The following PRR33 variants were observed in gnomAD, a reference collection of about 807,000 sequenced individuals.
PRR33 encodes the protein proline-rich protein 33.
A neutral mutation model predicts 0.5 loss-of-function variants in PRR33; 1 was observed. The observed-to-expected ratio is 2.18, with a 90% CI of 0.77 to 10.34. PRR33 has a LOEUF of 10.34. PRR33 is among the 30% of genes most tolerant of loss of function. The pLI, the probability that PRR33 is intolerant of heterozygous loss-of-function variation, is 0.13. For synonymous variants in PRR33, 226 were observed against 110.0 expected, an observed-to-expected ratio of 2.06 and a Z score of -6.60; for missense variants, 552 against 251.8, an observed-to-expected ratio of 2.19 and a Z score of -8.07.
chr11:1,890,321 G>A (rs778066099), exon 1 of PRR33: 1 of 712,390 alleles, frequency 1.4e-6, no homozygotes, highest in South Asian at 1.5e-5. Context: ...CTTCGGCGGG[G>A]TGCGGGCCCT....
chr11:1,902,374 G>A, the PRR33 span, among the ~76,000 whole-genome samples: 32 of 152,090 alleles, frequency 2.1e-4, no homozygotes, highest in Non-Finnish European at 4.1e-4. Context: ...GGCTTCCCTC[G>A]GCCTGGGCTC....
At chr11:1,889,106 A>G in exon 1 of PRR33, 1 of 598,620 alleles carries the variant, frequency 1.7e-6, no homozygotes, top group African/African-American at 1.9e-5. Context: ...TCTTCTGTCC[A>G]TCCCATGGTC....
chr11:1,902,879 C>A, the PRR33 span, among the ~76,000 whole-genome samples: 1 of 152,040 alleles, frequency 6.6e-6, no homozygotes, highest in African/African-American at 2.4e-5. Context: ...ATTACTCATG[C>A]CCCCCACCCC....
chr11:1,889,243 C>T, exon 1 of PRR33: 1 of 675,004 alleles, frequency 1.5e-6, no homozygotes, highest in South Asian at 1.6e-5. Context: ...CGGGTGGCCT[C>T]CTGCAGCTTC....
At chr11:1,892,080 T>C (rs954486590), upstream of PRR33, 26 of 152,216 alleles carry the variant, frequency 1.7e-4, no homozygotes, top group African/African-American at 6.3e-4. Context: ...CCAAGTGCCT[T>C]CTAGGAAGTT....
exon 1 of PRR33, chr11:1,889,086 C>T (rs754878318): frequency 1.0e-5 from 6 of 589,492 alleles, no homozygotes; most frequent in African/African-American, 1.9e-5. Flanking sequence ...CAGCTAGAGC[C>T]TCAGCCCCTT....
exon 1 of PRR33, chr11:1,890,340 T>C: frequency 1.4e-6 from 1 of 714,966 alleles, no homozygotes; most frequent in Non-Finnish European, 2.6e-6. Flanking sequence ...CTCAGCAGCG[T>C]GCGGGGCTGT....
At chr11:1,910,745 C>G in the PRR33 span, among the ~76,000 whole-genome samples, 4 of 152,232 alleles carry the variant, frequency 2.6e-5, no homozygotes, top group African/African-American at 9.6e-5. Flanking sequence ...CTCCGCTGAG[C>G]TGGTGTTCTG....
chr11:1,889,078 G>C (rs1267086086), exon 1 of PRR33: 7 of 583,256 alleles, frequency 1.2e-5, no homozygotes, highest in Non-Finnish European at 2.2e-5. Context: ...TGGGCCCCCA[G>C]CTAGAGCCTC....
exon 1 of PRR33, chr11:1,889,826 G>A (rs1332913847): frequency 1.6e-6 from 1 of 634,644 alleles, no homozygotes; most frequent in Non-Finnish European, 2.9e-6. Flanking sequence ...AGGCCTGGAA[G>A]CCGGGTGGCG....
chr11:1,909,686 G>A, the PRR33 span, among the ~76,000 whole-genome samples: 6 of 152,108 alleles, frequency 3.9e-5, no homozygotes, highest in Non-Finnish European at 7.4e-5. Context: ...AGGCTGAGAT[G>A]GGAGGATCAC....
At chr11:1,897,871 G>A in the PRR33 span, among the ~76,000 whole-genome samples, 1 of 152,302 alleles carries the variant, frequency 6.6e-6, no homozygotes, top group African/African-American at 2.4e-5. The surrounding 1 kb of genome is among the most constrained non-coding windows in gnomAD (Gnocchi z 4.0). Context: ...AGGGAGACGA[G>A]TATTATGACC....
At chr11:1,893,367 G>T (rs1311584781), upstream of PRR33, among the ~76,000 whole-genome samples, 1 of 151,562 alleles carries the variant, frequency 6.6e-6, no homozygotes, top group Admixed American at 6.6e-5. Flanking sequence ...GTGGATGGAT[G>T]GACTAATGGA....
At chr11:1,894,866 T>C (rs898055824), upstream of PRR33, among the ~76,000 whole-genome samples, 1 of 152,218 alleles carries the variant, frequency 6.6e-6, no homozygotes, top group African/African-American at 2.4e-5. Context: ...GGGAGGTGTG[T>C]GTGAAACTTG....
At chr11:1,896,060 T>C (rs1280228968), upstream of PRR33, among the ~76,000 whole-genome samples, 8 of 152,238 alleles carry the variant, frequency 5.3e-5, no homozygotes, top group Non-Finnish European at 1.2e-4. Context: ...CGTTTTCTTT[T>C]GGATCTACTT....
chr11:1,909,310 T>C, the PRR33 span, among the ~76,000 whole-genome samples: 903 of 152,108 alleles, frequency 5.9e-3, 5 homozygotes, highest in African/African-American at 5.9e-3. Flanking sequence ...AGTGAGTCTC[T>C]ACAAAAAATA....
the PRR33 span, among the ~76,000 whole-genome samples, chr11:1,905,081 T>C: frequency 6.6e-6 from 1 of 151,916 alleles, no homozygotes; most frequent in Admixed American, 6.6e-5. Flanking sequence ...TTTCTTTTTC[T>C]ATTTTCCTTA....
chr11:1,911,015 T>C, the PRR33 span, among the ~76,000 whole-genome samples: 1 of 152,228 alleles, frequency 6.6e-6, no homozygotes, highest in Non-Finnish European at 1.5e-5. Context: ...AAAAGATGGC[T>C]TGTTTTTTTT....
chr11:1,915,387 C>T, the PRR33 span, among the ~76,000 whole-genome samples: 1 of 143,762 alleles, frequency 7.0e-6, no homozygotes, highest in Admixed American at 6.9e-5. Context: ...GATGATGTTT[C>T]TGTGTGTGTG....
Sources: gnomAD v4.1 joint callset for allele counts (sites outside exome capture counted in the v4.1 genomes callset) on GRCh38, gnomAD v4.1.1 for gene constraint, Gnocchi (gnomAD v3.1) non-coding constraint, MANE v1.5 for transcripts, NCBI Gene and HGNC (gene_info 2026-07-23, HGNC 2026-07-21) for gene names.